The following USP16 variants were observed in gnomAD, a reference collection of about 807,000 sequenced individuals.
The protein encoded by USP16 is ubiquitin specific peptidase 16.
Under a neutral mutation model 95.9 loss-of-function variants are expected in USP16, and 77 were observed. The observed-to-expected ratio is 0.80, with a 90% CI of 0.67 to 0.97. The LOEUF (loss-of-function observed/expected upper bound fraction) is 0.97, where lower values mean the gene tolerates loss of function less well. Among genes scored for constraint, USP16 ranks in the 50% least tolerant of loss-of-function variants. The pLI is 0.00. For synonymous variants in USP16, 303 were observed against 318.2 expected (o/e 0.95, Z 0.51); for missense variants, 943 against 959.9 (o/e 0.98, Z 0.23).
At chr21:29,035,582 C>G (rs952463891) in intron 4 of USP16, among the ~76,000 whole-genome samples, 2 of 151,948 alleles carry the variant, frequency 1.3e-5, no homozygotes, top group African/African-American at 4.8e-5. Context: ...CCATGTTGGT[C>G]AGGCTGGTCT....
At chr21:29,053,371 T>A (rs2085445398) in intron 16 of USP16, 2 of 159,300 alleles carry the variant, frequency 1.3e-5, no homozygotes, top group South Asian at 3.6e-4. Flanking sequence ...ACCAACTCCC[T>A]TGGGGACATT....
At chr21:29,024,860 C>T in intron 1 of USP16, 83 bp downstream of exon 1, 2 of 1,204,750 alleles carry the variant, frequency 1.7e-6, no homozygotes, top group South Asian at 1.4e-5. Context: ...GCCCCAACTT[C>T]GTTCTCTTCT....
chr21:29,031,131 C>T (rs996070217), intron 3 of USP16, among the ~76,000 whole-genome samples: 2 of 152,170 alleles, frequency 1.3e-5, no homozygotes, highest in African/African-American at 4.8e-5. Context: ...AGGAAGTAAC[C>T]TTGGGCAAGG....
At chr21:29,043,751 T>G (rs1032050478) in intron 13 of USP16, 152 bp downstream of exon 13, 11 of 745,630 alleles carry the variant, frequency 1.5e-5, no homozygotes, top group Non-Finnish European at 1.5e-5. Flanking sequence ...TAGTATTCTC[T>G]GCAGGGAAAT....
intron 13 of USP16, among the ~76,000 whole-genome samples, chr21:29,044,992 C>G (rs560893665): frequency 6.6e-6 from 1 of 152,074 alleles, no homozygotes; most frequent in African/African-American, 2.4e-5. Flanking sequence ...GCTCCTGACC[C>G]TTGACAGCTG....
intron 13 of USP16, among the ~76,000 whole-genome samples, chr21:29,044,603 G>A (rs571525841): frequency 3.3e-5 from 5 of 151,814 alleles, no homozygotes; most frequent in South Asian, 4.2e-4. Context: ...ATGTGCCACC[G>A]TACCTGGCTA....
Position 29,028,421 on chromosome 21 carries a change from C to T in USP16, c.61+447C>T, listed in dbSNP as rs538528856. ...GGATTACACGTGAGAGCCACTGCAC[C>T]TGACTTTCTACATCTTTTTTGTTTT... On this transcript the variant is annotated intron_variant, in intron 2 of 17. Transcript: ENST00000399976. Among the ~76,000 whole-genome samples, 27 of 150,558 alleles carry T rather than the reference C, an allele frequency of 1.8e-4. 1 individual carries two copies. The South Asian group carries it at 4.7e-3, about 26-fold the overall frequency.
At chr21:29,043,402 C>T (rs376248736) in intron 12 of USP16, 21 bp from the exon 13 acceptor site, 58 of 1,393,550 alleles carry the variant, frequency 4.2e-5, no homozygotes, top group Non-Finnish European at 5.1e-5. Flanking sequence ...TGTTTTTGAC[C>T]TATGTTATCT....
rs375480955 is a variant in USP16 at position 29,053,968 on chromosome 21, C to T, written c.2350+10C>T. 2.9e-4 allele frequency: 464 copies of T among 1,613,632 alleles called. No homozygotes were observed. The highest frequency in any genetic ancestry group is 3.8e-4 in the Non-Finnish European group (444 of 1,179,668). On this transcript the variant is annotated intron_variant, in intron 17 of 17. Transcript: ENST00000399976. The stretch of plus-strand genomic sequence containing the variant: ...GGTGATATTCCACAAGGTAAGATGT[C>T]TTGGAAAATTCAGGCACTCAGCAGA...
chr21:29,029,378 A>G (rs956614573), intron 2 of USP16, among the ~76,000 whole-genome samples: 22 of 152,134 alleles, frequency 1.4e-4, no homozygotes, highest in African/African-American at 5.1e-4. Flanking sequence ...GTGCCACTGC[A>G]CTCCAGCCTG....
Position 29,042,056 on chromosome 21 carries a change from C to T in USP16, c.1074C>T (p.Ile358=). The T allele has an allele frequency of 6.2e-7, 1 of 1,613,248 alleles. No individual in the cohort carries two copies. The highest frequency in any genetic ancestry group is 8.5e-7 in the Non-Finnish European group (1 of 1,179,588). ...CAATGCCAAGTTTTGTTGACCGCAT[C>T]TTTGGTGGTGAACTAACTAGTATGA... ...KKSMPSFVDR[I]FGGELTSMIM... Residue 358 remains isoleucine (I), a synonymous_variant, in exon 11 of 18, where the codon ATC becomes ATT. Transcript: ENST00000399976.
rs775282066 is a variant in USP16 at position 29,028,289 on chromosome 21, AT to A, written c.61+332del. 9.7e-3 allele frequency among the ~76,000 whole-genome samples: 1,321 copies of A among 136,582 alleles called. 11 individuals are homozygous for A. Among genetic ancestry groups the A allele is most frequent in the African/African-American group, 0.018 (683 of 37,300 alleles). The allele number at this position is 136,582 out of a possible 152,430, so 89.6% of individuals were successfully genotyped here. ...AGACACATCCCACCACAGCCAGCTAATTTTTTTTTTTTTTTTTAATAGTGAC... is the reference window on the plus strand; with the variant it reads ...AGACACATCCCACCACAGCCAGCTAATTTTTTTTTTTTTTTTAATAGTGAC... On this transcript the variant is annotated intron_variant, in intron 2 of 17. Transcript: ENST00000399976.
chr21:29,042,494 T>A lies in USP16; in HGVS notation c.1145T>A (p.Phe382Tyr). The A allele has an allele frequency of 1.2e-6, 2 of 1,603,994 alleles. No homozygotes were observed. The highest frequency in any genetic ancestry group is 1.7e-6 in the Non-Finnish European group (2 of 1,176,964). ...AAGGTCTCCTTGGTTCATGAATCTT[T>A]CCTTGATTTGTCCCTCCCAGTTTTA... ...CRTVSLVHES[F>Y]LDLSLPVLDD... The change falls in exon 12 of 18, where the codon TTC (phenylalanine) becomes TAC (tyrosine). Residue 382 changes from phenylalanine to tyrosine, a missense_variant. Phe to Tyr is a conservative substitution (Grantham distance 22, BLOSUM62 3). Coordinates refer to ENST00000399976, the MANE Select transcript of USP16 (RefSeq NM_006447.3).
chr21:29,042,165 T>G, intron 11 of USP16, 61 bp downstream of exon 11: 1 of 1,447,710 alleles, frequency 6.9e-7, no homozygotes, highest in Non-Finnish European at 9.5e-7. Flanking sequence ...ATCAATTGTT[T>G]ATTTCAAAAG....
At chr21:29,045,806 C>T (rs997990944) in intron 13 of USP16, among the ~76,000 whole-genome samples, 24 of 152,034 alleles carry the variant, frequency 1.6e-4, no homozygotes, top group African/African-American at 5.5e-4. Flanking sequence ...ATTTAAATAA[C>T]TTTTTCTTTC....
intron 3 of USP16, among the ~76,000 whole-genome samples, chr21:29,031,664 C>T (rs2085079003): frequency 6.6e-6 from 1 of 152,206 alleles, no homozygotes; most frequent in African/African-American, 2.4e-5. Flanking sequence ...TCTCAAACTC[C>T]TGATTTCAAG....
chr21:29,042,531 A>G lies in USP16; in HGVS notation c.1179+3A>G. The G allele has an allele frequency of 6.3e-7, 1 of 1,593,864 alleles. No individual in the cohort carries two copies. The highest frequency in any genetic ancestry group is 1.2e-5 in the South Asian group (1 of 86,776). On this transcript the variant is annotated splice_donor_region_variant and intron_variant, in intron 12 of 17. Transcript: ENST00000399976. ...CCCTCCCAGTTTTAGATGATCAGGT[A>G]AGACTATTGAATTTATTTTATTCAA...
chr21:29,038,338 T>C lies in USP16; in HGVS notation c.640T>C (p.Leu214=). 2 of 1,605,516 alleles carry C rather than the reference T, an allele frequency of 1.2e-6. No homozygotes were observed. The highest frequency in any genetic ancestry group is 1.7e-4 in the Middle Eastern group (1 of 6,010). The change falls in exon 7 of 18, where the codon TTG becomes CTG. Residue 214 remains leucine (L), a synonymous_variant. Coordinates refer to ENST00000399976, the MANE Select transcript of USP16 (RefSeq NM_006447.3). ...TCFFNAVMQN[L]SQTPVLRELL... is the part of the protein sequence containing the mutation. Reference sequence around the variant, plus strand: ...TTTTTTTCACCCTACATTCTAGAACTTGTCACAAACACCAGTGCTTAGAGA... The same window carrying C: ...TTTTTTTCACCCTACATTCTAGAACCTGTCACAAACACCAGTGCTTAGAGA...
intron 2 of USP16, among the ~76,000 whole-genome samples, 184 bp from the exon 3 acceptor site, chr21:29,030,411 A>G (rs1261542999): frequency 1.3e-5 from 2 of 152,210 alleles, no homozygotes; most frequent in Non-Finnish European, 2.9e-5. Flanking sequence ...ATTTGTGTCA[A>G]ATCTCTTTCT....
Sources: gnomAD v4.1 joint callset for allele counts (sites outside exome capture counted in the v4.1 genomes callset) on GRCh38, gnomAD v4.1.1 for gene constraint, MANE v1.5 for transcripts, NCBI Gene and HGNC (gene_info 2026-07-23, HGNC 2026-07-21) for gene names.